Variants in CAP2 observed in about 807,000 individuals in gnomAD.
CAP2 encodes adenylyl cyclase-associated protein 2.
Under a neutral mutation model 57.7 loss-of-function variants are expected in CAP2, and 24 were observed. The ratio of observed to expected loss-of-function variants is 0.42; its 90% CI spans 0.30 to 0.58. The LOEUF is 0.58. Among genes scored for constraint, CAP2 ranks in the 20% least tolerant of loss-of-function variants. The pLI, the probability that CAP2 is intolerant of heterozygous loss-of-function variation, is 0.22. For synonymous variants in CAP2, 194 were observed against 207.2 expected (o/e 0.94, Z 0.55); for missense variants, 501 against 590.3 (o/e 0.85, Z 1.57).
chr6:17,429,150 G>C (rs1759664545), intron 3 of CAP2, among the ~76,000 whole-genome samples: 1 of 152,146 alleles, frequency 6.6e-6, no homozygotes, highest in Non-Finnish European at 1.5e-5. Context: ...AAGAAACCTT[G>C]TATGCAGCAA....
chr6:17,496,481 G>GT (rs914767970), intron 4 of CAP2, among the ~76,000 whole-genome samples: 97 of 150,428 alleles, frequency 6.4e-4, no homozygotes, highest in African/African-American at 2.1e-3. Context: ...GCTCTGTTTT[G>GT]TTTTTTTTTC....
chr6:17,527,697 G>A (rs1762543108), intron 7 of CAP2, among the ~76,000 whole-genome samples: 1 of 149,670 alleles, frequency 6.7e-6, no homozygotes, highest in Non-Finnish European at 1.5e-5. Flanking sequence ...CCGGGATCAA[G>A]CGATTCTTGT....
At chr6:17,406,088 T>A (rs924392790) in intron 1 of CAP2, among the ~76,000 whole-genome samples, 2 of 152,038 alleles carry the variant, frequency 1.3e-5, no homozygotes, top group Non-Finnish European at 2.9e-5. Flanking sequence ...TTTGGGACCG[T>A]CCCACACATA....
chr6:17,444,923 G>T (rs1360694902), intron 3 of CAP2, among the ~76,000 whole-genome samples: 3 of 151,190 alleles, frequency 2.0e-5, no homozygotes, highest in Non-Finnish European at 2.9e-5. Context: ...TTGCTCTTTT[G>T]TAGTTGAGGA....
rs191776142 is a variant in CAP2 at position 17,547,608 on chromosome 6, A to G, written c.1210-3856A>G. On this transcript the variant is annotated intron_variant, in intron 11 of 12. Coordinates refer to ENST00000229922, the MANE Select transcript of CAP2 (RefSeq NM_006366.3). ...TGTAATCCCAGCATTTTGGGAGGCC[A>G]AGGTGGGCAAATCACGAGGTCCGGA... 5.0e-3 allele frequency among the ~76,000 whole-genome samples: 767 copies of G among 152,124 alleles called. 7 individuals carry two copies. The highest frequency in any genetic ancestry group is 0.015 in the African/African-American group (615 of 41,502).
intron 1 of CAP2, among the ~76,000 whole-genome samples, chr6:17,403,292 G>A (rs552733815): frequency 7.2e-5 from 11 of 152,254 alleles, no homozygotes; most frequent in African/African-American, 2.6e-4. Context: ...TAGTAGAGAT[G>A]GGGTTTTACC....
chr6:17,421,624 A>C lies in CAP2; in HGVS notation c.69A>C (p.Ala23=). Residue 23 remains alanine, a synonymous_variant, in exon 2 of 13, where the codon GCA becomes GCC. Transcript: ENST00000229922. ...RAVSRLESLS[A]ESHRPPGNCG... ...TCAGCCGCCTGGAGTCGCTGTCTGC[A>C]GAGTCCCACAGGCCCCCTGGGAACT... 3 of 1,614,120 alleles carry C rather than the reference A, an allele frequency of 1.9e-6. No homozygotes were observed. The highest frequency in any genetic ancestry group is 2.5e-6 in the Non-Finnish European group (3 of 1,179,946).
In CAP2 at chr6:17,446,985, A is replaced by G. The variant is rs570580066; in HGVS notation, c.223-16011A>G. 4.6e-5 allele frequency among the ~76,000 whole-genome samples: 7 copies of G among 152,232 alleles called. No individual in the cohort carries two copies. The East Asian group carries it at 1.4e-3, about 29-fold the overall frequency. The stretch of plus-strand genomic sequence containing the variant: ...GAGTTCTCAATGCAGGTGAGTTAAT[A>G]TTGGGTGGACCTGGTTCATGAATGA... On this transcript the variant is annotated intron_variant, in intron 3 of 12. Coordinates refer to ENST00000229922, the MANE Select transcript of CAP2 (RefSeq NM_006366.3).
intron 6 of CAP2, among the ~76,000 whole-genome samples, chr6:17,509,848 C>T (rs1486789143): frequency 1.3e-5 from 2 of 151,904 alleles, no homozygotes; most frequent in African/African-American, 2.4e-5. Flanking sequence ...ATAAATAAAA[C>T]ATGGTATATC....
intron 4 of CAP2, among the ~76,000 whole-genome samples, chr6:17,476,435 A>G (rs1761152116): frequency 6.6e-6 from 1 of 152,198 alleles, no homozygotes; most frequent in Admixed American, 6.5e-5. Context: ...GTTTTTTGTG[A>G]TTAAGTGAGA....
At chr6:17,477,964 C>T (rs1223721299) in intron 4 of CAP2, among the ~76,000 whole-genome samples, 1 of 148,370 alleles carries the variant, frequency 6.7e-6, no homozygotes, top group African/African-American at 2.5e-5. Context: ...AACTTTACTT[C>T]TTGCATTTTC....
Position 17,556,525 on chromosome 6 carries a change from A to G in CAP2, c.*83A>G, listed in dbSNP as rs1763319564. ...GCAGCAGTAAAGAGCTAGAAGTTGC[A>G]GTAGCCCCTACTGCTTTAGCTTTGG... On this transcript the variant is annotated 3_prime_UTR_variant, in exon 13 of 13. Coordinates refer to ENST00000229922, the MANE Select transcript of CAP2 (RefSeq NM_006366.3). 1 of 954,722 alleles carries G rather than the reference A, an allele frequency of 1.0e-6. No homozygotes were observed. Among genetic ancestry groups the G allele is most frequent in the African/African-American group, 1.6e-5 (1 of 62,444 alleles). 59.1% of individuals were successfully genotyped at this position (954,722 alleles called of 1,614,324 possible). A position where few individuals can be genotyped will look rare whatever the true frequency, so the allele number is the denominator to read the frequency against.
intron 7 of CAP2, chr6:17,531,491 A>C: frequency 6.7e-7 from 1 of 1,487,364 alleles, no homozygotes; most frequent in South Asian, 1.1e-5. Flanking sequence ...TTTTTCATAG[A>C]TAAGCTTCTT....
chr6:17,430,246 A>G (rs1487468160), intron 3 of CAP2, among the ~76,000 whole-genome samples: 1 of 152,200 alleles, frequency 6.6e-6, no homozygotes, highest in African/African-American at 2.4e-5. Context: ...TGAACCTAAG[A>G]GCATAACAGG....
intron 7 of CAP2, 49 bp from the exon 8 acceptor site, chr6:17,539,220 A>G (rs373026507): frequency 2.3e-5 from 36 of 1,536,802 alleles, no homozygotes; most frequent in Non-Finnish European, 3.1e-5. Flanking sequence ...AAATCCCAGC[A>G]AGGGCGCAGT....
intron 1 of CAP2, among the ~76,000 whole-genome samples, chr6:17,397,446 A>G (rs1043041173): frequency 2.0e-5 from 3 of 151,882 alleles, no homozygotes; most frequent in Non-Finnish European, 2.9e-5. Context: ...TGTAATCCCA[A>G]CATTTTGGGA....
chr6:17,436,115 T>C (rs902805300), intron 3 of CAP2, among the ~76,000 whole-genome samples: 5 of 150,610 alleles, frequency 3.3e-5, no homozygotes, highest in South Asian at 2.1e-4. Flanking sequence ...CCTTCCTTCC[T>C]TCCTTCCCTC....
intron 4 of CAP2, among the ~76,000 whole-genome samples, chr6:17,486,265 A>G (rs1761417038): frequency 6.6e-6 from 1 of 152,222 alleles, no homozygotes; most frequent in Admixed American, 6.5e-5. Flanking sequence ...GTGACAGTTG[A>G]TAATTTAAGC....
chr6:17,531,756 T>G, intron 7 of CAP2: 1 of 589,488 alleles, frequency 1.7e-6, no homozygotes, highest in Non-Finnish European at 3.0e-6. Flanking sequence ...CCCCCCATGC[T>G]TAAAGCCCTT....
Sources: allele counts gnomAD v4.1 joint callset (sites outside exome capture counted in the v4.1 genomes callset), GRCh38; gene constraint gnomAD v4.1.1; transcripts MANE v1.5; gene names NCBI Gene and HGNC (gene_info 2026-07-23, HGNC 2026-07-21).